Variants in TCF12 observed in about 807,000 individuals in gnomAD.
TCF12 encodes transcription factor 12.
In TCF12, 45 loss-of-function variants were observed where a neutral mutation model predicts 86.0. The ratio of observed to expected loss-of-function variants is 0.52; its 90% CI spans 0.41 to 0.67. TCF12 has a LOEUF of 0.67. Among genes scored for constraint, TCF12 ranks in the 30% least tolerant of loss-of-function variants. TCF12 has a pLI of 0.00. For synonymous variants in TCF12, 330 were observed against 299.6 expected (o/e 1.10, Z -1.05); for missense variants, 881 against 859.9 (o/e 1.02, Z -0.31).
At chr15:57,028,253 G>A (rs113232363) in intron 3 of TCF12, among the ~76,000 whole-genome samples, 10 of 151,930 alleles carry the variant, frequency 6.6e-5, no homozygotes, top group East Asian at 3.8e-4. Context: ...GAGCCACCGC[G>A]CCCGACTGAA....
rs184788821 is a variant in TCF12 at position 57,179,661 on chromosome 15, T to C, written c.391-12497T>C. On this transcript the variant is annotated intron_variant, in intron 6 of 20. Transcript: ENST00000333725. Reference sequence around the variant, plus strand: ...TTTATTAAGTTTTCAAGAGGATATGTTGAGATTATAAAATTTGGGATTTGT... The same window carrying C: ...TTTATTAAGTTTTCAAGAGGATATGCTGAGATTATAAAATTTGGGATTTGT... Among the ~76,000 whole-genome samples the C allele has an allele frequency of 2.7e-4, 41 of 152,318 alleles. 1 individual carries two copies. Among genetic ancestry groups the C allele is most frequent in the African/African-American group, 8.9e-4 (37 of 41,560 alleles).
chr15:56,923,737 T>G (rs2059891950), intron 3 of TCF12, among the ~76,000 whole-genome samples: 1 of 152,136 alleles, frequency 6.6e-6, no homozygotes, highest in Admixed American at 6.5e-5. Context: ...AGTAGATTGT[T>G]TGTATGATAT....
Position 57,234,079 on chromosome 15 carries a change from G to A in TCF12, c.1007G>A (p.Gly336Asp), listed in dbSNP as rs956865872. 6.2e-7 allele frequency: 1 copy of A among 1,613,658 alleles called. No homozygotes were observed. The highest frequency in any genetic ancestry group is 8.5e-7 in the Non-Finnish European group (1 of 1,179,682). ...AATGCTGCTGGAAGCTCACAGACAGGTGATGCACTTGGAAAGGCTTTGGCA... is the reference window on the plus strand; with the variant it reads ...AATGCTGCTGGAAGCTCACAGACAGATGATGCACTTGGAAAGGCTTTGGCA... Reference protein sequence around the residue: ...RGNAAGSSQTGDALGKALASI... With the variant: ...RGNAAGSSQTDDALGKALASI... Residue 336 changes from glycine (G) to aspartate (D), a missense_variant, in exon 12 of 21, where the codon GGT (glycine) becomes GAT (aspartate). Physicochemically the swap from Gly to Asp is moderately conservative, Grantham distance 94. Transcript: ENST00000333725.
intron 15 of TCF12, among the ~76,000 whole-genome samples, 178 bp downstream of exon 15, chr15:57,252,670 C>G (rs1295114034): frequency 6.6e-6 from 1 of 151,966 alleles, no homozygotes; most frequent in African/African-American, 2.4e-5. Flanking sequence ...GAAAGTGATC[C>G]TTTTTAAAAC....
In TCF12 at chr15:56,920,030, TTTTG is replaced by T. The variant is rs527665020; in HGVS notation, c.75+62_75+65del. The stretch of plus-strand genomic sequence containing the variant: ...TGGCATCTTGGGGTTCTGCTGAGGT[TTTTG>T]TTTGTTTGTTTGTTTGTTTCTTTTA... On this transcript the variant is annotated intron_variant, in intron 2 of 20. Coordinates refer to ENST00000333725, the MANE Select transcript of TCF12 (RefSeq NM_207037.2). The T allele has an allele frequency of 0.038, 60,895 of 1,605,228 alleles. 1,417 individuals carry two copies. Among genetic ancestry groups the T allele is most frequent in the Non-Finnish European group, 0.046 (53,576 of 1,172,788 alleles).
At chr15:57,008,385 C>CTTTTTTTA in intron 3 of TCF12, among the ~76,000 whole-genome samples, 2 of 149,506 alleles carry the variant, frequency 1.3e-5, no homozygotes, top group East Asian at 3.9e-4. Context: ...CTTTTTTTTT[C>CTTTTTTTA]TTTTTTTCGA....
chr15:57,222,398 A>G (rs2058640261), intron 8 of TCF12, among the ~76,000 whole-genome samples: 1 of 151,972 alleles, frequency 6.6e-6, no homozygotes, highest in South Asian at 2.1e-4. Flanking sequence ...TTGGGCATGT[A>G]GGTGTAGAAA....
intron 3 of TCF12, among the ~76,000 whole-genome samples, chr15:57,039,296 T>A (rs1399781868): frequency 6.6e-6 from 1 of 152,200 alleles, no homozygotes; most frequent in African/African-American, 2.4e-5. Flanking sequence ...TGGGTTGTTT[T>A]TTCTTACATA....
intron 6 of TCF12, among the ~76,000 whole-genome samples, chr15:57,168,946 T>A (rs1460035856): frequency 6.6e-6 from 1 of 152,108 alleles, no homozygotes; most frequent in Non-Finnish European, 1.5e-5. Context: ...CTTGGGAAGC[T>A]GAGGCAGGAG....
At chr15:57,262,254 A>C in intron 17 of TCF12, 46 bp downstream of exon 17, 4 of 1,317,552 alleles carry the variant, frequency 3.0e-6, no homozygotes, top group African/African-American at 1.5e-5. Flanking sequence ...CAGAGATATC[A>C]TTTGGAACAC....
rs529526123 is a variant in TCF12, at chr15:57,093,239, T to C, written c.325+1348T>C. On this transcript the variant is annotated intron_variant, in intron 5 of 20. Coordinates refer to ENST00000333725, the MANE Select transcript of TCF12 (RefSeq NM_207037.2). ...GCTAGGGAAAACTTTCTAATTTATT[T>C]TTTAAATTTTCAATTGAGCTTGCCA... is the stretch of plus-strand genomic sequence containing the variant. Among the ~76,000 whole-genome samples, 118 of 152,344 alleles carry C rather than the reference T, an allele frequency of 7.7e-4. 2 individuals are homozygous for C. The South Asian group carries it at 0.023, about 30-fold the overall frequency.
In TCF12 at chr15:57,231,177, A is replaced by C. The variant is rs754434106; in HGVS notation, c.605A>C (p.Asp202Ala). Residue 202 changes from aspartate (D) to alanine (A), a missense_variant, in exon 9 of 21, where the codon GAT (aspartate) becomes GCT (alanine). Transcript: ENST00000333725. ...SSVYAPSPNS[D>A]DFNRESPSYP... Reference sequence around the variant, plus strand: ...GTATATGCACCATCCCCAAATTCAGATGATTTCAACCGTGAATCTCCTAGT... The same window carrying C: ...GTATATGCACCATCCCCAAATTCAGCTGATTTCAACCGTGAATCTCCTAGT... The C allele has an allele frequency of 3.1e-6, 5 of 1,613,074 alleles. No individual in the cohort carries two copies. Among genetic ancestry groups the C allele is most frequent in the Middle Eastern group, 3.3e-4 (2 of 6,056 alleles).
At chr15:56,967,318 G>A (rs1343660683) in intron 3 of TCF12, among the ~76,000 whole-genome samples, 3 of 151,716 alleles carry the variant, frequency 2.0e-5, no homozygotes, top group Non-Finnish European at 2.9e-5. Context: ...AAAAAAAAAC[G>A]CTGAAGTTGG....
At chr15:57,208,872 C>T (rs955333370) in intron 8 of TCF12, among the ~76,000 whole-genome samples, 1 of 151,948 alleles carries the variant, frequency 6.6e-6, no homozygotes, top group Non-Finnish European at 1.5e-5. Context: ...CATGCCACTA[C>T]ACCTGGCTAC....
intron 8 of TCF12, among the ~76,000 whole-genome samples, chr15:57,200,290 T>G (rs1295891192): frequency 2.0e-5 from 3 of 152,142 alleles, no homozygotes; most frequent in Admixed American, 1.3e-4. Flanking sequence ...TAATAAATAA[T>G]GACAAAATAT....
At chr15:57,166,284 T>A (rs1189209351) in intron 5 of TCF12, 118 bp from the exon 6 acceptor site, 1 of 784,218 alleles carries the variant, frequency 1.3e-6, no homozygotes, top group Non-Finnish European at 2.0e-6. Context: ...ATCCTCTTAT[T>A]TCTAATTTGT....
At chr15:57,123,212 A>G (rs1218066480) in intron 5 of TCF12, among the ~76,000 whole-genome samples, 1 of 152,240 alleles carries the variant, frequency 6.6e-6, no homozygotes, top group African/African-American at 2.4e-5. Context: ...GAAGTGAATG[A>G]GCATGAACGA....
intron 3 of TCF12, among the ~76,000 whole-genome samples, chr15:57,063,484 CTA>C (rs1455713316): frequency 1.3e-5 from 2 of 152,184 alleles, no homozygotes; most frequent in Non-Finnish European, 2.9e-5. Context: ...GATGGAGAGA[CTA>C]TGCCCCATTC....
At chr15:57,170,641 T>TATAA (rs2055258603) in intron 6 of TCF12, among the ~76,000 whole-genome samples, 3 of 49,294 alleles carry the variant, frequency 6.1e-5, no homozygotes, top group East Asian at 9.8e-4. Flanking sequence ...TATATATATA[T>TATAA]AATATATATA....
Sources: gnomAD v4.1 joint callset for allele counts (sites outside exome capture counted in the v4.1 genomes callset) on GRCh38, gnomAD v4.1.1 for gene constraint, MANE v1.5 for transcripts, NCBI Gene and HGNC (gene_info 2026-07-23, HGNC 2026-07-21) for gene names.